C5orf34: variants seen among roughly 807,000 people sequenced by gnomAD.
The protein encoded by C5orf34 is uncharacterized protein C5orf34.
Under a neutral mutation model 78.4 loss-of-function variants are expected in C5orf34, and 73 were observed. The observed-to-expected ratio is 0.93, with a 90% CI of 0.77 to 1.13. The LOEUF is 1.13. Among genes scored for constraint, C5orf34 ranks in the 50% most tolerant of loss-of-function variants. The pLI is 0.00. For missense variants in C5orf34, 730 were observed against 732.7 expected, an observed-to-expected ratio of 1.00 and a Z score of 0.04; for synonymous variants, 251 against 246.6, an observed-to-expected ratio of 1.02 and a Z score of -0.17.
intron 4 of C5orf34, among the ~76,000 whole-genome samples, chr5:43,504,122 C>A (rs937720235): frequency 6.6e-6 from 1 of 152,058 alleles, no homozygotes; most frequent in East Asian, 1.9e-4. Context: ...ATCAGCCTGA[C>A]CAACATGGTG....
At chr5:43,492,025 A>G (rs1014339308) in intron 10 of C5orf34, among the ~76,000 whole-genome samples, 190 bp downstream of exon 10, 1 of 147,898 alleles carries the variant, frequency 6.8e-6, no homozygotes, top group African/African-American at 2.5e-5. Context: ...AAAAAAAAAA[A>G]GCTGACTTGA....
chr5:43,506,646 T>G (rs963858878), intron 3 of C5orf34, among the ~76,000 whole-genome samples: 1 of 152,226 alleles, frequency 6.6e-6, no homozygotes, highest in East Asian at 1.9e-4. Flanking sequence ...AATGGTCATA[T>G]TTAGTGTTAA....
chr5:43,499,300 T>C (rs2112298165), intron 6 of C5orf34, among the ~76,000 whole-genome samples: 1 of 152,314 alleles, frequency 6.6e-6, no homozygotes, highest in Non-Finnish European at 1.5e-5. Context: ...CTGTCTTTTG[T>C]ACAACTCCTC....
At chr5:43,507,632 G>A (rs1484194735) in intron 3 of C5orf34, among the ~76,000 whole-genome samples, 11 of 152,180 alleles carry the variant, frequency 7.2e-5, no homozygotes, top group Non-Finnish European at 1.6e-4. Flanking sequence ...CGGCAGGCAA[G>A]CATCTTGACA....
intron 12 of C5orf34, 38 bp downstream of exon 12, chr5:43,487,871 G>T: frequency 6.8e-7 from 1 of 1,476,280 alleles, no homozygotes; most frequent in African/African-American, 1.4e-5. Context: ...ATGAAAGAGA[G>T]TAATTATGTA....
chr5:43,491,740 A>C (rs1203935483), intron 10 of C5orf34, among the ~76,000 whole-genome samples: 2 of 152,220 alleles, frequency 1.3e-5, no homozygotes, highest in African/African-American at 4.8e-5. Context: ...ATGGTGGCTC[A>C]TGCCTGTAAT....
At chr5:43,501,475 T>C (rs147023784) in intron 6 of C5orf34, among the ~76,000 whole-genome samples, 52 of 152,358 alleles carry the variant, frequency 3.4e-4, no homozygotes, top group African/African-American at 1.3e-3. Context: ...TTCCTAGAAA[T>C]AGGCCCCAGT....
chr5:43,494,371 C>T, intron 7 of C5orf34, 139 bp downstream of exon 7: 1 of 470,596 alleles, frequency 2.1e-6, no homozygotes, highest in East Asian at 3.3e-5. Context: ...ATTATGACAC[C>T]AAAAAAGTTG....
In C5orf34 at chr5:43,494,612, G is replaced by A; in HGVS notation, c.1153-11C>T. The A allele has an allele frequency of 2.6e-6, 4 of 1,537,252 alleles. No individual in the cohort carries two copies. The highest frequency in any genetic ancestry group is 2.3e-5 in the East Asian group (1 of 44,156). On this transcript the variant is annotated splice_polypyrimidine_tract_variant and intron_variant, in intron 6 of 12. Coordinates refer to ENST00000306862, the MANE Select transcript of C5orf34 (RefSeq NM_198566.4). The stretch of plus-strand genomic sequence containing the variant: ...AGTTTTCTCTTCTCTCTGAAAATTA[G>A]TTAAAATGAAAAATTTCATTAATAA...
chr5:43,500,797 A>G (rs950102995), intron 6 of C5orf34, among the ~76,000 whole-genome samples: 1 of 152,198 alleles, frequency 6.6e-6, no homozygotes, highest in Non-Finnish European at 1.5e-5. Context: ...GGCCTCCTTT[A>G]CCCAGAGATT....
chr5:43,499,866 T>A (rs1745685649), intron 6 of C5orf34, among the ~76,000 whole-genome samples: 2 of 152,296 alleles, frequency 1.3e-5, no homozygotes, highest in Admixed American at 1.3e-4. Flanking sequence ...TTTCACCATT[T>A]CCCTATTAAT....
chr5:43,493,661 A>C (rs2112276984), intron 7 of C5orf34, 49 bp from the exon 8 acceptor site: 1 of 1,114,116 alleles, frequency 9.0e-7, no homozygotes, highest in East Asian at 2.5e-5. Flanking sequence ...GACATTTTCC[A>C]ATTCTAGCAA....
Position 43,493,611 on chromosome 5 carries a change from T to C in C5orf34, c.1246A>G (p.Ile416Val), listed in dbSNP as rs767235008. ...VGSLIKQATR[I>V]LQHCVKMRLS... ...CTCATCTTCACACAATGTTGAAGAA[T>C]TCTGTGAACACAAAAAATACTACTT... Residue 416 changes from isoleucine (I) to valine (V), a missense_variant and splice_region_variant, in exon 8 of 13, where the codon ATT (isoleucine) becomes GTT (valine). Transcript: ENST00000306862. The C allele has an allele frequency of 1.9e-6, 3 of 1,557,172 alleles. No individual in the cohort carries two copies. In the South Asian group the frequency reaches 3.6e-5, roughly 19 times the overall value.
At position 43,493,586 on chromosome 5, in the gene C5orf34, C is replaced by T. The variant is rs775100552; in HGVS notation, c.1271G>A (p.Arg424Lys). 4 of 1,580,704 alleles carry T rather than the reference C, an allele frequency of 2.5e-6. No individual in the cohort carries two copies. Among genetic ancestry groups the T allele is most frequent in the Non-Finnish European group, 3.4e-6 (4 of 1,161,262 alleles). ...ACGATAGTTATGGCTTAAAGAAAGT[C>T]TCATCTTCACACAATGTTGAAGAAT... ...TRILQHCVKM[R>K]LSLSHNYRIC... The change falls in exon 8 of 13, where the codon AGA becomes AAA. Residue 424 changes from arginine (R) to lysine (K), a missense_variant. Physicochemically the swap from Arg to Lys is conservative, Grantham distance 26. Transcript: ENST00000306862.
At chr5:43,495,625 G>C in intron 6 of C5orf34, 1 of 1,603,526 alleles carries the variant, frequency 6.2e-7, no homozygotes, top group Non-Finnish European at 8.5e-7. Flanking sequence ...GAGCAAAGGT[G>C]ACCACCACAC....
Position 43,492,814 on chromosome 5 carries a change from A to T in C5orf34, c.1391T>A (p.Leu464His). The T allele has an allele frequency of 6.2e-7, 1 of 1,612,986 alleles. No individual in the cohort carries two copies. Among genetic ancestry groups the T allele is most frequent in the Non-Finnish European group, 8.5e-7 (1 of 1,179,150 alleles). Reference protein sequence around the residue: ...ESLIPSVGRFLAYSDDKVHAI... With the variant: ...ESLIPSVGRFHAYSDDKVHAI... Reference sequence around the variant, plus strand: ...ATGTACTTTGTCATCAGAGTAGGCAAGAAATCTTCCCACACTGGGTATGAG... The same window carrying T: ...ATGTACTTTGTCATCAGAGTAGGCATGAAATCTTCCCACACTGGGTATGAG... The change falls in exon 9 of 13, where the codon CTT (leucine) becomes CAT (histidine). Residue 464 changes from leucine to histidine, a missense_variant. Transcript: ENST00000306862.
At chr5:43,511,232 C>T (rs544067005) in intron 1 of C5orf34, 1 of 172,518 alleles carries the variant, frequency 5.8e-6, no homozygotes, top group Non-Finnish European at 1.2e-5. Context: ...AAGTGAGGAG[C>T]CTCTCCGCCT....
chr5:43,506,140 G>T lies in C5orf34; in HGVS notation c.540C>A (p.Ile180=). The T allele has an allele frequency of 6.2e-7, 1 of 1,614,156 alleles. No individual in the cohort carries two copies. Among genetic ancestry groups the T allele is most frequent in the Non-Finnish European group, 8.5e-7 (1 of 1,180,026 alleles). ...KDKLVEKTGK[I]CIRGNLPGQR... is the part of the protein sequence containing the mutation. ...GTCCTGGTAAATTTCCACGTATACA[G>T]ATTTTGCCAGTTTTTTCAACTAGTT... The change falls in exon 4 of 13, where the codon ATC becomes ATA. Residue 180 remains isoleucine, a synonymous_variant. Transcript: ENST00000306862.
chr5:43,514,063 G>C (rs1401339488), intron 1 of C5orf34: 1 of 152,146 alleles, frequency 6.6e-6, no homozygotes, highest in East Asian at 1.9e-4. Context: ...TTTGCAATTT[G>C]AATTAATGGT....
Sources: allele counts gnomAD v4.1 joint callset (sites outside exome capture counted in the v4.1 genomes callset), GRCh38; gene constraint gnomAD v4.1.1; transcripts MANE v1.5; gene names NCBI Gene and HGNC (gene_info 2026-07-23, HGNC 2026-07-21).